Variants in NEK6 observed in about 807,000 individuals in gnomAD.
NEK6 encodes NIMA related kinase 6.
NEK6 carries 27 observed loss-of-function variants against 43.5 expected under a neutral mutation model. That is an observed-to-expected ratio of 0.62 (90% confidence interval 0.46 to 0.86). NEK6 has a LOEUF of 0.86. Among genes scored for constraint, NEK6 ranks in the 40% least tolerant of loss-of-function variants. The probability of loss-of-function intolerance (pLI) is 0.00; values close to 1 mark genes in which losing one functional copy is unlikely to be tolerated. For synonymous variants in NEK6, 167 were observed against 164.1 expected, an observed-to-expected ratio of 1.02 and a Z score of -0.14; for missense variants, 318 against 414.4, an observed-to-expected ratio of 0.77 and a Z score of 2.02.
At chr9:124,263,501 G>A (rs1831113664) in intron 1 of NEK6, among the ~76,000 whole-genome samples, 1 of 152,248 alleles carries the variant, frequency 6.6e-6, no homozygotes, top group South Asian at 2.1e-4. Flanking sequence ...GGGGGAGGAA[G>A]TAAGTGAAAT....
At chr9:124,320,271 T>C (rs77242531) in intron 4 of NEK6, among the ~76,000 whole-genome samples, 10,670 of 152,182 alleles carry the variant, frequency 0.07, 704 homozygotes, top group African/African-American at 0.18. Flanking sequence ...GGTGAGAGGA[T>C]GGACGCATGG....
At chr9:124,338,130 A>G (rs748430733) in intron 7 of NEK6, among the ~76,000 whole-genome samples, 8 of 152,018 alleles carry the variant, frequency 5.3e-5, no homozygotes, top group Non-Finnish European at 7.4e-5. Context: ...ACAGGTGTGT[A>G]CCACCATGCC....
At chr9:124,280,388 G>A (rs908852347) in intron 1 of NEK6, among the ~76,000 whole-genome samples, 4 of 152,258 alleles carry the variant, frequency 2.6e-5, no homozygotes, top group African/African-American at 9.6e-5. Flanking sequence ...TATCATCTGA[G>A]TGAGGCTTGC....
intron 1 of NEK6, among the ~76,000 whole-genome samples, chr9:124,258,765 G>A (rs906630367): frequency 6.6e-6 from 1 of 152,250 alleles, no homozygotes; most frequent in African/African-American, 2.4e-5. Context: ...CAGACTCAGA[G>A]CCTGGCTGGG....
chr9:124,303,074 A>C (rs1039809946), intron 2 of NEK6, among the ~76,000 whole-genome samples: 13 of 152,338 alleles, frequency 8.5e-5, no homozygotes, highest in African/African-American at 3.1e-4. Context: ...GGAGCCCAGC[A>C]AGGCACCTGA....
Position 124,303,403 on chromosome 9 carries a change from G to A in NEK6, c.90+1349G>A, listed in dbSNP as rs549714802. 8.5e-5 allele frequency among the ~76,000 whole-genome samples: 13 copies of A among 152,346 alleles called. No individual in the cohort carries two copies. In the South Asian group the frequency reaches 1.4e-3, roughly 17 times the overall value. On this transcript the variant is annotated intron_variant, in intron 2 of 9. Transcript: ENST00000320246. The stretch of plus-strand genomic sequence containing the variant: ...CAAGGTTGCCATGTACAGTTGTACA[G>A]GTTATGCACTGCACAAAGCTTCTGG...
At chr9:124,322,448 A>G (rs926773966) in intron 5 of NEK6, among the ~76,000 whole-genome samples, 13 of 152,198 alleles carry the variant, frequency 8.5e-5, no homozygotes, top group Admixed American at 5.2e-4. Context: ...CACCCAGCCC[A>G]GTACGCTCAT....
chr9:124,288,276 T>C (rs1832249642), intron 1 of NEK6, among the ~76,000 whole-genome samples: 1 of 152,172 alleles, frequency 6.6e-6, no homozygotes, highest in Admixed American at 6.5e-5. Flanking sequence ...ATTGATTGAT[T>C]GATTGATTGA....
chr9:124,312,683 C>T (rs1342987706), intron 3 of NEK6, 34 bp downstream of exon 3: 1 of 1,590,362 alleles, frequency 6.3e-7, no homozygotes, highest in Non-Finnish European at 8.6e-7. Flanking sequence ...AAACCTGCAT[C>T]TCGGGAGGTG....
chr9:124,340,029 A>G (rs1200396336), intron 8 of NEK6, among the ~76,000 whole-genome samples: 1 of 152,220 alleles, frequency 6.6e-6, no homozygotes, highest in Admixed American at 6.5e-5. Context: ...GGCCCGGTGC[A>G]GGGCACCTGG....
intron 1 of NEK6, among the ~76,000 whole-genome samples, chr9:124,278,591 C>A (rs544985245): frequency 4.1e-4 from 62 of 152,286 alleles, no homozygotes; most frequent in African/African-American, 1.2e-3. Flanking sequence ...TCAGCCACAC[C>A]CCCCCACCCC....
chr9:124,319,091 TC>T (rs1217042696), intron 4 of NEK6, among the ~76,000 whole-genome samples: 1 of 152,188 alleles, frequency 6.6e-6, no homozygotes, highest in East Asian at 1.9e-4. Context: ...TTCAAGCGAT[TC>T]TCCTGCCCCA....
At chr9:124,297,571 C>T (rs1832753460) in intron 1 of NEK6, among the ~76,000 whole-genome samples, 1 of 152,202 alleles carries the variant, frequency 6.6e-6, no homozygotes, top group Admixed American at 6.5e-5. Context: ...TGGGAAGCCT[C>T]ACTGTGCAGC....
chr9:124,303,610 T>C (rs1833107086), intron 2 of NEK6, among the ~76,000 whole-genome samples: 2 of 152,140 alleles, frequency 1.3e-5, no homozygotes, highest in African/African-American at 4.8e-5. Context: ...GGTGTGTGTA[T>C]ATGCATACAC....
In NEK6 at chr9:124,275,424, G is replaced by A. The variant is rs146790756; in HGVS notation, c.-30+17339G>A. Among the ~76,000 whole-genome samples, 131 of 152,276 alleles carry A rather than the reference G, an allele frequency of 8.6e-4. No homozygotes were observed. Among genetic ancestry groups the A allele is most frequent in the African/African-American group, 3.0e-3 (125 of 41,548 alleles). The stretch of plus-strand genomic sequence containing the variant: ...GGAGCCCAGAACCCATGGGTAACGG[G>A]GTCAGCATTCAGAAGTGTCAGCTCC... On this transcript the variant is annotated intron_variant, in intron 1 of 9. Transcript: ENST00000320246. This position sits in a 1 kb window ranked among gnomAD's most constrained non-coding sequence, Gnocchi z 4.4.
rs992343163 is a variant in NEK6, at chr9:124,334,414, G to A, written c.623-5157G>A. The stretch of plus-strand genomic sequence containing the variant: ...GCATTTGGATGTTTGCCTTTTCTCC[G>A]TACACCAGTGGAAATGGGGTAAGCA... On this transcript the variant is annotated intron_variant, in intron 7 of 9. Coordinates refer to ENST00000320246, the MANE Select transcript of NEK6 (RefSeq NM_014397.6). 2.0e-5 allele frequency among the ~76,000 whole-genome samples: 3 copies of A among 152,212 alleles called. No individual in the cohort carries two copies. The East Asian group carries it at 5.8e-4, about 29-fold the overall frequency.
intron 8 of NEK6, among the ~76,000 whole-genome samples, chr9:124,345,393 C>G (rs1301121093): frequency 6.6e-6 from 1 of 152,198 alleles, no homozygotes; most frequent in Non-Finnish European, 1.5e-5. Flanking sequence ...ATGGAGGAGG[C>G]CTGTTCCTGG....
At chr9:124,296,302 CA>C (rs1832686877) in intron 1 of NEK6, among the ~76,000 whole-genome samples, 2 of 152,226 alleles carry the variant, frequency 1.3e-5, no homozygotes, top group South Asian at 4.1e-4. Context: ...TTAGGGAAAA[CA>C]ACCTGTGAAG....
chr9:124,334,067 A>G lies in NEK6; in HGVS notation c.623-5504A>G, dbSNP rs113311565. Among the ~76,000 whole-genome samples the G allele has an allele frequency of 3.4e-3, 512 of 152,308 alleles. 4 individuals are homozygous for G. Among genetic ancestry groups the G allele is most frequent in the African/African-American group, 0.011 (439 of 41,574 alleles). On this transcript the variant is annotated intron_variant, in intron 7 of 9. Transcript: ENST00000320246. ...GCTGGGATTACAGGCGTGAGCCACC[A>G]CGCCCGGCCCAAGTCCATTCTTGAT...
Sources: allele counts gnomAD v4.1 joint callset (sites outside exome capture counted in the v4.1 genomes callset), GRCh38; gene constraint gnomAD v4.1.1; non-coding constraint Gnocchi (gnomAD v3.1); transcripts MANE v1.5; gene names NCBI Gene and HGNC (gene_info 2026-07-23, HGNC 2026-07-21).